The following HSF2BP variants were observed in gnomAD, a reference collection of about 807,000 sequenced individuals.
HSF2BP encodes heat shock factor 2-binding protein.
Under a neutral mutation model 35.0 loss-of-function variants are expected in HSF2BP, and 35 were observed. The ratio of observed to expected loss-of-function variants is 1.00; its 90% CI spans 0.76 to 1.32. The LOEUF (loss-of-function observed/expected upper bound fraction) is 1.32. Ranked by LOEUF, HSF2BP falls within the 40% of genes most tolerant of loss-of-function variation. The pLI, the probability that HSF2BP is intolerant of heterozygous loss-of-function variation, is 0.00. For synonymous variants in HSF2BP, 114 were observed against 117.4 expected, an observed-to-expected ratio of 0.97 and a Z score of 0.18; for missense variants, 326 against 321.7, an observed-to-expected ratio of 1.01 and a Z score of -0.10.
At chr21:43,587,436 C>T (rs763816933) in intron 8 of HSF2BP, among the ~76,000 whole-genome samples, 5 of 151,814 alleles carry the variant, frequency 3.3e-5, no homozygotes, top group Non-Finnish European at 5.9e-5. Flanking sequence ...GAGGCTGAGG[C>T]GGGCAGATCA....
intron 4 of HSF2BP, 74 bp downstream of exon 4, chr21:43,644,215 G>A (rs940266380): frequency 4.7e-6 from 5 of 1,070,162 alleles, no homozygotes; most frequent in African/African-American, 3.1e-5. Flanking sequence ...CAGTCCCACT[G>A]CTTATCATAA....
chr21:43,646,057 T>G (rs1239603543), intron 3 of HSF2BP, among the ~76,000 whole-genome samples: 1 of 151,508 alleles, frequency 6.6e-6, no homozygotes, highest in Non-Finnish European at 1.5e-5. Context: ...GGCTTATGCC[T>G]GTGTAATTAC....
intron 4 of HSF2BP, among the ~76,000 whole-genome samples, chr21:43,642,310 T>C (rs987294257): frequency 6.6e-6 from 1 of 152,030 alleles, no homozygotes; most frequent in African/African-American, 2.4e-5. Context: ...CTACTGCAAC[T>C]ATTATTGCAC....
chr21:43,501,397 C>CTTT, the HSF2BP span, among the ~76,000 whole-genome samples: 5 of 65,226 alleles, frequency 7.7e-5, no homozygotes, highest in East Asian at 3.5e-4. Context: ...CTGTAGCTGT[C>CTTT]TTTTTTTTTT....
At chr21:43,616,681 C>T (rs2082274918) in intron 6 of HSF2BP, among the ~76,000 whole-genome samples, 2 of 152,076 alleles carry the variant, frequency 1.3e-5, no homozygotes, top group Non-Finnish European at 2.9e-5. Flanking sequence ...CGCCTGTAAT[C>T]CCAGCACTTT....
At chr21:43,621,133 A>C (rs1027879110) in intron 6 of HSF2BP, among the ~76,000 whole-genome samples, 4 of 152,266 alleles carry the variant, frequency 2.6e-5, no homozygotes, top group African/African-American at 9.6e-5. Flanking sequence ...TCAAACTCTC[A>C]ACATTCAGAA....
intron 7 of HSF2BP, among the ~76,000 whole-genome samples, chr21:43,593,629 T>G (rs1259632544): frequency 1.3e-5 from 2 of 152,152 alleles, no homozygotes; most frequent in African/African-American, 4.8e-5. Flanking sequence ...GGATTACTAT[T>G]TTGAATGACC....
chr21:43,588,786 C>T (rs2146766658), intron 8 of HSF2BP, among the ~76,000 whole-genome samples: 1 of 152,282 alleles, frequency 6.6e-6, no homozygotes, highest in Non-Finnish European at 1.5e-5. Flanking sequence ...GAATAGTTAC[C>T]TTACAGGTCA....
intron 8 of HSF2BP, among the ~76,000 whole-genome samples, chr21:43,576,563 T>C (rs2081646958): frequency 6.6e-6 from 1 of 152,180 alleles, no homozygotes; most frequent in African/African-American, 2.4e-5. Context: ...TACACAACAC[T>C]ATATAGAAGG....
At chr21:43,593,458 AAAG>A (rs1259752771) in intron 7 of HSF2BP, among the ~76,000 whole-genome samples, 2 of 152,218 alleles carry the variant, frequency 1.3e-5, no homozygotes, top group African/African-American at 4.8e-5. Context: ...CGCATGAGAA[AAAG>A]AAGACCAGGT....
At position 43,655,417 on chromosome 21, in the gene HSF2BP, G is replaced by A. The variant is rs144846109; in HGVS notation, c.187+1170C>T. Among the ~76,000 whole-genome samples the A allele has an allele frequency of 3.9e-5, 6 of 152,294 alleles. 1 individual carries two copies. In the East Asian group the frequency reaches 9.6e-4, roughly 24 times the overall value. On this transcript the variant is annotated intron_variant, in intron 3 of 8. Transcript: ENST00000291560. The stretch of plus-strand genomic sequence containing the variant: ...TTTTCTGAAGGGACCACTTACAGAG[G>A]GGAGAGCAGAGATAACAGAACCACC...
chr21:43,588,808 C>G (rs913409558), intron 8 of HSF2BP, among the ~76,000 whole-genome samples: 1 of 152,190 alleles, frequency 6.6e-6, no homozygotes, highest in Non-Finnish European at 1.5e-5. Flanking sequence ...GTCTAGGAAC[C>G]ACCTCTGATT....
chr21:43,653,879 G>T (rs1033489350), intron 3 of HSF2BP, among the ~76,000 whole-genome samples: 1 of 152,124 alleles, frequency 6.6e-6, no homozygotes, highest in Non-Finnish European at 1.5e-5. Context: ...GTTTCATGCG[G>T]AGTAGTGAGG....
chr21:43,616,561 T>C (rs2082273187), intron 6 of HSF2BP, among the ~76,000 whole-genome samples: 1 of 152,148 alleles, frequency 6.6e-6, no homozygotes, highest in Non-Finnish European at 1.5e-5. Flanking sequence ...GAGAATCATT[T>C]GAACCCAGGA....
intron 7 of HSF2BP, among the ~76,000 whole-genome samples, chr21:43,596,735 T>C (rs991712872): frequency 1.3e-5 from 2 of 151,326 alleles, no homozygotes; most frequent in Non-Finnish European, 2.9e-5. Context: ...AAAAAAACCA[T>C]TAGATAGGCA....
In HSF2BP at chr21:43,592,211, AC is replaced by A; in HGVS notation, c.796+13del. 1.3e-6 allele frequency: 2 copies of A among 1,569,046 alleles called. No homozygotes were observed. The highest frequency in any genetic ancestry group is 1.8e-6 in the Non-Finnish European group (2 of 1,138,966). On this transcript the variant is annotated intron_variant, in intron 8 of 8. Coordinates refer to ENST00000291560, the MANE Select transcript of HSF2BP (RefSeq NM_007031.2). The stretch of plus-strand genomic sequence containing the variant: ...ACCCGTACAAGCAGCTGGACAGATA[AC>A]CACCCCCCTTACCACTCAAAAGCCA...
At chr21:43,639,654 G>A (rs1380660296) in intron 4 of HSF2BP, among the ~76,000 whole-genome samples, 1 of 151,870 alleles carries the variant, frequency 6.6e-6, no homozygotes, top group Admixed American at 6.6e-5. Context: ...GTTAGGACAT[G>A]GAGAAAGTGA....
intron 7 of HSF2BP, among the ~76,000 whole-genome samples, chr21:43,603,438 TAC>T (rs1474455620): frequency 6.6e-6 from 1 of 152,082 alleles, no homozygotes; most frequent in Admixed American, 6.5e-5. Flanking sequence ...TAAGGAGAAA[TAC>T]ACAGAGATGA....
Position 43,615,276 on chromosome 21 carries a change from GT to G in HSF2BP, c.575-1330del, listed in dbSNP as rs1451725768. On this transcript the variant is annotated intron_variant, in intron 6 of 8. Coordinates refer to ENST00000291560, the MANE Select transcript of HSF2BP (RefSeq NM_007031.2). ...ATGGAAACGCTTCTAAAAATTCACAGTTAAGTGTGATGTCTGATCTGTTTCT... is the reference window on the plus strand; with the variant it reads ...ATGGAAACGCTTCTAAAAATTCACAGTAAGTGTGATGTCTGATCTGTTTCT... Among the ~76,000 whole-genome samples, 4 of 152,308 alleles carry G rather than the reference GT, an allele frequency of 2.6e-5. No individual in the cohort carries two copies. In the South Asian group the frequency reaches 6.2e-4, roughly 24 times the overall value.
Sources: allele counts gnomAD v4.1 joint callset (sites outside exome capture counted in the v4.1 genomes callset), GRCh38; gene constraint gnomAD v4.1.1; transcripts MANE v1.5; gene names NCBI Gene and HGNC (gene_info 2026-07-23, HGNC 2026-07-21).